The following LINC00305 variants were observed in gnomAD, a reference collection of about 807,000 sequenced individuals.
LINC00305 encodes long intergenic non-protein coding RNA 305.
Position 64,123,796 on chromosome 18 carries a change from T to G in LINC00305, n.314+24979A>C, listed in dbSNP as rs113847293. Among the ~76,000 whole-genome samples, 1,237 of 152,192 alleles carry G rather than the reference T, an allele frequency of 8.1e-3. 17 individuals are homozygous for G. The highest frequency in any genetic ancestry group is 0.028 in the African/African-American group (1,183 of 41,540). On this transcript the variant is annotated intron_variant and non_coding_transcript_variant, in intron 1 of 3. Coordinates refer to ENST00000666468, the Ensembl canonical transcript of LINC00305. ...GTAGGAGGTATTTGGGTCATGTGGG[T>G]GGATTAATTATGAAAAGATTAATGC... is the stretch of plus-strand genomic sequence containing the variant.
rs866221360 is a variant in LINC00305 at position 64,080,222 on chromosome 18, G to C, written n.721C>G. ...CAAAGTCCCTGCCGTTTATCCAAAG[G>C]TGCTTCACAGTATGACCTCTGATCT... On this transcript the variant is annotated non_coding_transcript_exon_variant, in exon 4 of 4. Coordinates refer to ENST00000666468, the Ensembl canonical transcript of LINC00305. 3.6e-5 allele frequency: 13 copies of C among 366,136 alleles called. No homozygotes were observed. The Middle Eastern group carries it at 2.9e-3, about 82-fold the overall frequency. The allele number at this position is 366,136 out of a possible 1,614,324, so 22.7% of individuals were successfully genotyped here. A position where few individuals can be genotyped will look rare whatever the true frequency, so the allele number is the denominator to read the frequency against.
chr18:64,140,625 C>A (rs2051457763), intron 1 of LINC00305, among the ~76,000 whole-genome samples: 1 of 152,150 alleles, frequency 6.6e-6, no homozygotes, highest in Non-Finnish European at 1.5e-5. Context: ...TTGTTGACTT[C>A]TTGATCCTAC....
At chr18:64,129,914 A>C (rs562408502) in intron 1 of LINC00305, among the ~76,000 whole-genome samples, 1 of 152,282 alleles carries the variant, frequency 6.6e-6, no homozygotes, top group Non-Finnish European at 1.5e-5. Context: ...AGGGGCTTAA[A>C]GTTAAATGTT....
intron 3 of LINC00305, among the ~76,000 whole-genome samples, chr18:64,081,358 G>A (rs1419147748): frequency 2.0e-5 from 3 of 152,070 alleles, no homozygotes; most frequent in Non-Finnish European, 2.9e-5. Flanking sequence ...ATTAATGCAA[G>A]GATTAAACTA....
chr18:64,146,842 AGT>A (rs533373908), intron 1 of LINC00305, among the ~76,000 whole-genome samples: 5 of 151,846 alleles, frequency 3.3e-5, no homozygotes, highest in South Asian at 2.1e-4. Flanking sequence ...GGGAGGTTTA[AGT>A]GTGTGTGTGT....
chr18:64,097,727 A>C (rs540531787), intron 3 of LINC00305: 2 of 369,274 alleles, frequency 5.4e-6, no homozygotes, highest in Non-Finnish European at 1.1e-5. Flanking sequence ...TATCAGAAGT[A>C]ATATTATTTC....
chr18:64,140,013 A>C (rs947217824), intron 1 of LINC00305, among the ~76,000 whole-genome samples: 1 of 151,934 alleles, frequency 6.6e-6, no homozygotes, highest in Non-Finnish European at 1.5e-5. Flanking sequence ...TAAACACACA[A>C]AGACTGCTCC....
chr18:64,086,535 T>A (rs2051204299), intron 3 of LINC00305, among the ~76,000 whole-genome samples: 1 of 152,250 alleles, frequency 6.6e-6, no homozygotes, highest in South Asian at 2.1e-4. Flanking sequence ...AGCTGCTCAT[T>A]TGACCTTTGA....
chr18:64,092,873 T>A (rs1395281282), intron 3 of LINC00305, among the ~76,000 whole-genome samples: 1 of 152,166 alleles, frequency 6.6e-6, no homozygotes, highest in Non-Finnish European at 1.5e-5. Flanking sequence ...TGATTTTGAG[T>A]TGGCTGTGGG....
chr18:64,147,371 G>A (rs1272015435), intron 1 of LINC00305: 3 of 152,160 alleles, frequency 2.0e-5, no homozygotes, highest in South Asian at 4.1e-4. Context: ...ATGAGTTTAT[G>A]TGAGTTAAAG....
At chr18:64,136,419 C>T (rs777815371) in intron 1 of LINC00305, among the ~76,000 whole-genome samples, 35 of 152,240 alleles carry the variant, frequency 2.3e-4, no homozygotes, top group Non-Finnish European at 4.7e-4. Context: ...CAGAAGGCAC[C>T]TCTTCACAGG....
chr18:64,084,624 G>A (rs1379857001), intron 3 of LINC00305, among the ~76,000 whole-genome samples: 1 of 152,162 alleles, frequency 6.6e-6, no homozygotes, highest in African/African-American at 2.4e-5. Context: ...TCTTTGCTCT[G>A]CAATAAACAA....
chr18:64,113,468 A>T (rs2144251870), intron 1 of LINC00305, among the ~76,000 whole-genome samples: 1 of 152,324 alleles, frequency 6.6e-6, no homozygotes, highest in East Asian at 1.9e-4. Context: ...TCTGCCCTCC[A>T]AGTTCCTGCC....
chr18:64,118,929 GTGT>G (rs1015063016), intron 1 of LINC00305, among the ~76,000 whole-genome samples: 1 of 151,532 alleles, frequency 6.6e-6, no homozygotes, highest in Non-Finnish European at 1.5e-5. Context: ...TGATAAATAT[GTGT>G]TGTTTGATGA....
chr18:64,083,277 G>T, intron 3 of LINC00305, among the ~76,000 whole-genome samples: 1 of 152,040 alleles, frequency 6.6e-6, no homozygotes, highest in East Asian at 1.9e-4. Flanking sequence ...GCTTCCCCTT[G>T]CTTTCCCCTA....
intron 1 of LINC00305, chr18:64,139,343 T>C (rs2051450216): frequency 2.6e-5 from 4 of 152,208 alleles, no homozygotes; most frequent in Admixed American, 2.6e-4. Flanking sequence ...AATGAAGTCA[T>C]GCCTGTAATC....
chr18:64,080,290 A>T, exon 4 of LINC00305: 1 of 457,006 alleles, frequency 2.2e-6, no homozygotes, highest in Non-Finnish European at 4.4e-6. Flanking sequence ...GAAACAGAAA[A>T]CGTCATCCAG....
In LINC00305 at chr18:64,116,235, T is replaced by A. The variant is rs570248196; in HGVS notation, n.315-17595A>T. Among the ~76,000 whole-genome samples, 3 of 152,330 alleles carry A rather than the reference T, an allele frequency of 2.0e-5. No individual in the cohort carries two copies. In the South Asian group the frequency reaches 6.2e-4, roughly 32 times the overall value. On this transcript the variant is annotated intron_variant and non_coding_transcript_variant, in intron 1 of 3. Transcript: ENST00000666468. ...AACAAAAAGTGGGTCTCAGGATGAA[T>A]CAGTTTACAACATACAGAATTAACA...
intron 3 of LINC00305, among the ~76,000 whole-genome samples, chr18:64,088,014 C>G (rs1245283514): frequency 6.6e-6 from 1 of 151,986 alleles, no homozygotes; most frequent in Non-Finnish European, 1.5e-5. Context: ...TCCCAGCTAC[C>G]TGGGAGGCTG....
Sources: gnomAD v4.1 joint callset for allele counts (sites outside exome capture counted in the v4.1 genomes callset) on GRCh38, gnomAD v4.1.1 for gene constraint, MANE v1.5 for transcripts, NCBI Gene and HGNC (gene_info 2026-07-23, HGNC 2026-07-21) for gene names.